The following MTUS2 variants were observed in gnomAD, a reference collection of about 807,000 sequenced individuals.
MTUS2 encodes the protein microtubule associated scaffold protein 2, also known as microtubule-associated tumor suppressor candidate 2.
MTUS2 carries 40 observed loss-of-function variants against 114.1 expected under a neutral mutation model. That is an observed-to-expected ratio of 0.35 (90% confidence interval 0.27 to 0.46). The LOEUF is 0.46. Among genes scored for constraint, MTUS2 ranks in the 20% least tolerant of loss-of-function variants. MTUS2 has a pLI of 1.00. For synonymous variants in MTUS2, 688 were observed against 672.0 expected (o/e 1.02, Z -0.37); for missense variants, 1,679 against 1,705.4 (o/e 0.98, Z 0.27).
chr13:29,286,674 C>CTATCTATCTATCTATCTATCTATA (rs1205112728), intron 6 of MTUS2, among the ~76,000 whole-genome samples: 53 of 147,520 alleles, frequency 3.6e-4, no homozygotes, highest in Non-Finnish European at 5.4e-4. Context: ...GTCTGTCTGT[C>CTATCTATCTATCTATCTATCTATA]TATCTATCTA....
intron 9 of MTUS2, among the ~76,000 whole-genome samples, chr13:29,472,853 A>T (rs1880420333): frequency 6.6e-6 from 1 of 152,222 alleles, no homozygotes; most frequent in South Asian, 2.1e-4. Context: ...TCCTAACAGG[A>T]TATTAAGAAT....
chr13:29,456,677 A>G (rs920868523), intron 9 of MTUS2, among the ~76,000 whole-genome samples: 2 of 152,200 alleles, frequency 1.3e-5, no homozygotes, highest in African/African-American at 4.8e-5. Flanking sequence ...TCAGAAATGA[A>G]CAGAGCCCAG....
chr13:29,306,286 A>C (rs905226846), intron 6 of MTUS2, among the ~76,000 whole-genome samples: 3 of 152,226 alleles, frequency 2.0e-5, no homozygotes, highest in Non-Finnish European at 4.4e-5. Flanking sequence ...AGTTCTAGCC[A>C]GGGCAATCAG....
intron 5 of MTUS2, among the ~76,000 whole-genome samples, chr13:29,175,210 G>C (rs184034108): frequency 6.6e-6 from 1 of 152,070 alleles, no homozygotes; most frequent in African/African-American, 2.4e-5. Flanking sequence ...TAAATATAAA[G>C]TCTAAATTTA....
At chr13:29,093,622 C>A (rs901757070) in intron 4 of MTUS2, among the ~76,000 whole-genome samples, 17 of 152,158 alleles carry the variant, frequency 1.1e-4, no homozygotes, top group African/African-American at 3.9e-4. Flanking sequence ...TGTAAACTTG[C>A]TAAACTCATT....
chr13:29,048,730 A>G (rs886503468), intron 4 of MTUS2, among the ~76,000 whole-genome samples: 17 of 152,158 alleles, frequency 1.1e-4, no homozygotes, highest in Non-Finnish European at 1.8e-4. Flanking sequence ...TCAGCCTTCC[A>G]AAGTTCTGGG....
chr13:29,370,862 A>C (rs1593361113), intron 8 of MTUS2, among the ~76,000 whole-genome samples: 1 of 152,372 alleles, frequency 6.6e-6, no homozygotes, highest in Non-Finnish European at 1.5e-5. Flanking sequence ...ACACTAATCA[A>C]AGGAAAATTG....
intron 5 of MTUS2, among the ~76,000 whole-genome samples, chr13:29,246,958 G>A (rs1040142750): frequency 1.3e-5 from 2 of 149,240 alleles, no homozygotes; most frequent in Non-Finnish European, 3.0e-5. Flanking sequence ...CATAGCCAAA[G>A]CAAGTCTAAG....
At chr13:29,134,323 CA>C (rs1891884115) in intron 5 of MTUS2, among the ~76,000 whole-genome samples, 1 of 152,066 alleles carries the variant, frequency 6.6e-6, no homozygotes, top group African/African-American at 2.4e-5. Context: ...GAAAATTTCC[CA>C]TGTGCACTTG....
intron 5 of MTUS2, among the ~76,000 whole-genome samples, chr13:29,247,669 T>C (rs1282717379): frequency 6.6e-6 from 1 of 152,126 alleles, no homozygotes; most frequent in African/African-American, 2.4e-5. Context: ...TCACTAATTA[T>C]CAGGGAAATG....
chr13:28,979,637 T>G (rs1198972499), intron 2 of MTUS2, among the ~76,000 whole-genome samples: 1 of 152,096 alleles, frequency 6.6e-6, no homozygotes. Context: ...GAGTTTAGGT[T>G]TTTGTTGCTA....
chr13:29,145,606 CA>C (rs1465093193), intron 5 of MTUS2, among the ~76,000 whole-genome samples: 2 of 152,140 alleles, frequency 1.3e-5, no homozygotes, highest in Non-Finnish European at 2.9e-5. Context: ...TTTAGTTGAT[CA>C]AACTGTTGAA....
In MTUS2 at chr13:28,923,660, G is replaced by A. The variant is rs191178243; in HGVS notation, c.-243+83810G>A. ...TGAGGCTTTCTGTGTCCAGCTGCTT[G>A]TTGTGTTGAGATCTCTCTTAGTGGT... On this transcript the variant is annotated intron_variant, in intron 2 of 15. Coordinates refer to ENST00000612955, the MANE Select transcript of MTUS2 (RefSeq NM_001033602.4). Among the ~76,000 whole-genome samples the A allele has an allele frequency of 9.3e-4, 141 of 152,282 alleles. 1 individual carries two copies. The highest frequency in any genetic ancestry group is 3.0e-3 in the Admixed American group (46 of 15,300).
chr13:28,991,338 C>A (rs564133739), intron 2 of MTUS2, among the ~76,000 whole-genome samples: 1 of 151,586 alleles, frequency 6.6e-6, no homozygotes, highest in Non-Finnish European at 1.5e-5. Context: ...GGTAGTGTAC[C>A]AGTTATGAAA....
At chr13:29,033,436 A>G (rs17072575) in intron 3 of MTUS2, among the ~76,000 whole-genome samples, 2,361 of 152,292 alleles carry the variant, frequency 0.016, 63 homozygotes, top group African/African-American at 0.052. Flanking sequence ...GATCTAATAT[A>G]AATGGACACA....
At chr13:29,244,820 G>A (rs557216223) in intron 5 of MTUS2, among the ~76,000 whole-genome samples, 2 of 149,922 alleles carry the variant, frequency 1.3e-5, no homozygotes, top group Admixed American at 1.3e-4. Flanking sequence ...GCCGGGCATA[G>A]TGGCGGGCGC....
intron 2 of MTUS2, among the ~76,000 whole-genome samples, chr13:28,950,257 T>G (rs946012257): frequency 2.0e-5 from 3 of 152,226 alleles, no homozygotes; most frequent in Admixed American, 6.5e-5. Context: ...TTGGAGAAAT[T>G]TGTATTCAAG....
rs780895474 is a variant in MTUS2, at chr13:29,034,164, G to A, written c.2446+39G>A. 59 of 1,610,274 alleles carry A rather than the reference G, an allele frequency of 3.7e-5. No homozygotes were observed. In the South Asian group the frequency reaches 3.8e-4, roughly 11 times the overall value. On this transcript the variant is annotated intron_variant, in intron 4 of 15. Coordinates refer to ENST00000612955, the MANE Select transcript of MTUS2 (RefSeq NM_001033602.4). Reference sequence around the variant, plus strand: ...CAGTTTCTGCCTTTTCCTGCTGTACGTTTAGATAGTCATCATGTAAGATGG... The same window carrying A: ...CAGTTTCTGCCTTTTCCTGCTGTACATTTAGATAGTCATCATGTAAGATGG...
At chr13:29,200,521 G>GTTTT (rs56965083) in intron 5 of MTUS2, among the ~76,000 whole-genome samples, 12,469 of 84,710 alleles carry the variant, frequency 0.15, 1,571 homozygotes, top group East Asian at 0.33. Context: ...TTCTTTTTCT[G>GTTTT]TTTTTTTTTT....
Sources: allele counts gnomAD v4.1 joint callset (sites outside exome capture counted in the v4.1 genomes callset), GRCh38; gene constraint gnomAD v4.1.1; transcripts MANE v1.5; gene names NCBI Gene and HGNC (gene_info 2026-07-23, HGNC 2026-07-21).